The following RASAL2 variants were observed in gnomAD, a reference collection of about 807,000 sequenced individuals.
The protein encoded by RASAL2 is RAS protein activator like 2.
Under a neutral mutation model 128.9 loss-of-function variants are expected in RASAL2, and 58 were observed. The observed-to-expected ratio is 0.45, with a 90% CI of 0.36 to 0.56. The LOEUF (loss-of-function observed/expected upper bound fraction) is 0.56. Ranked by LOEUF, RASAL2 falls within the 20% of genes least tolerant of loss-of-function variation. The pLI, the probability that RASAL2 is intolerant of heterozygous loss-of-function variation, is 0.00. For missense variants in RASAL2, 1,360 were observed against 1,601.6 expected, an observed-to-expected ratio of 0.85 and a Z score of 2.57; for synonymous variants, 561 against 580.8, an observed-to-expected ratio of 0.97 and a Z score of 0.49.
chr1:178,417,806 T>G (rs1674867519), intron 4 of RASAL2, among the ~76,000 whole-genome samples: 3 of 150,558 alleles, frequency 2.0e-5, no homozygotes, highest in African/African-American at 7.3e-5. Flanking sequence ...AGAATTAAAT[T>G]ACTAGATTTA....
At chr1:178,233,209 A>G (rs1664082678) in intron 1 of RASAL2, among the ~76,000 whole-genome samples, 1 of 152,228 alleles carries the variant, frequency 6.6e-6, no homozygotes, top group African/African-American at 2.4e-5. Context: ...GACTGCACAG[A>G]CATGTGTGGT....
Position 178,475,563 on chromosome 1 carries a change from A to G in RASAL2, c.*2324A>G, listed in dbSNP as rs901972560. On this transcript the variant is annotated 3_prime_UTR_variant, in exon 18 of 18. Transcript: ENST00000367649. Reference sequence around the variant, plus strand: ...TGGCCATAAGTATGTAATGTGGGTGATGTCTTGCCATTGAGGTTTGGAAGC... The same window carrying G: ...TGGCCATAAGTATGTAATGTGGGTGGTGTCTTGCCATTGAGGTTTGGAAGC... 1 of 152,196 alleles carries G rather than the reference A, an allele frequency of 6.6e-6. No homozygotes were observed. Among genetic ancestry groups the G allele is most frequent in the Non-Finnish European group, 1.5e-5 (1 of 68,038 alleles). The allele number at this position is 152,196 out of a possible 1,614,324, so 9.4% of individuals were successfully genotyped here.
intron 1 of RASAL2, among the ~76,000 whole-genome samples, chr1:178,236,895 C>T (rs1327770156): frequency 6.6e-6 from 1 of 151,620 alleles, no homozygotes; most frequent in Admixed American, 6.6e-5. Flanking sequence ...TCCTGAGTAG[C>T]TGGGATTACG....
At chr1:178,267,672 A>G (rs180936945) in intron 1 of RASAL2, among the ~76,000 whole-genome samples, 6 of 148,284 alleles carry the variant, frequency 4.0e-5, no homozygotes, top group Non-Finnish European at 5.9e-5. Flanking sequence ...CCCAGCTGGA[A>G]TGCAGGGCTC....
chr1:178,365,384 A>G (rs776169194), intron 3 of RASAL2, among the ~76,000 whole-genome samples: 1 of 152,184 alleles, frequency 6.6e-6, no homozygotes, highest in Non-Finnish European at 1.5e-5. Context: ...TGTACAAAGG[A>G]GTATCAAGAT....
At chr1:178,463,742 A>G (rs903011697) in intron 14 of RASAL2, among the ~76,000 whole-genome samples, 1 of 152,080 alleles carries the variant, frequency 6.6e-6, no homozygotes, top group African/African-American at 2.4e-5. Context: ...TTAACCCACA[A>G]TTACTTTTGC....
At chr1:178,347,417 A>G (rs553769936) in intron 3 of RASAL2, among the ~76,000 whole-genome samples, 1 of 152,232 alleles carries the variant, frequency 6.6e-6, no homozygotes. Flanking sequence ...ATTTTCTCTG[A>G]TAGTCTGAAA....
At chr1:178,172,070 C>T (rs1425033986) in intron 1 of RASAL2, among the ~76,000 whole-genome samples, 1 of 151,850 alleles carries the variant, frequency 6.6e-6, no homozygotes, top group Non-Finnish European at 1.5e-5. Flanking sequence ...AGGACAAGGC[C>T]TAAGTTTGAA....
At chr1:178,229,673 A>G (rs970149482) in intron 1 of RASAL2, among the ~76,000 whole-genome samples, 2 of 152,098 alleles carry the variant, frequency 1.3e-5, no homozygotes, top group Non-Finnish European at 2.9e-5. Flanking sequence ...TGATTGATTC[A>G]TTCATTCTCT....
intron 4 of RASAL2, among the ~76,000 whole-genome samples, chr1:178,414,484 G>A (rs1019924899): frequency 3.3e-5 from 5 of 152,186 alleles, no homozygotes; most frequent in Admixed American, 6.5e-5. Flanking sequence ...TGTCAATGTA[G>A]ATTCGTCAGT....
chr1:178,462,085 C>T lies in RASAL2; in HGVS notation c.3253-2193C>T, dbSNP rs17513230. ...TATCTTTGATGATCATGTTGAAAGT[C>T]AGTGGATATAAATTCTCTTTCTAAG... On this transcript the variant is annotated intron_variant, in intron 14 of 17. Transcript: ENST00000367649. Among the ~76,000 whole-genome samples the T allele has an allele frequency of 6.6e-3, 1,011 of 152,266 alleles. 3 individuals carry two copies. The highest frequency in any genetic ancestry group is 0.011 in the Non-Finnish European group (736 of 68,008).
At position 178,195,926 on chromosome 1, in the gene RASAL2, T is replaced by C. The variant is rs74128883; in HGVS notation, c.203-87638T>C. On this transcript the variant is annotated intron_variant, in intron 1 of 17. Transcript: ENST00000367649. ...CCATACTATTCATATATATTACCCATACTATTCTAGAGACCTGTGAAAATC... is the reference window on the plus strand; with the variant it reads ...CCATACTATTCATATATATTACCCACACTATTCTAGAGACCTGTGAAAATC... Among the ~76,000 whole-genome samples the C allele has an allele frequency of 5.5e-3, 839 of 152,216 alleles. 10 individuals carry two copies. Among genetic ancestry groups the C allele is most frequent in the African/African-American group, 0.019 (786 of 41,566 alleles).
At chr1:178,464,128 C>A in intron 14 of RASAL2, 150 bp from the exon 15 acceptor site, 3 of 892,666 alleles carry the variant, frequency 3.4e-6, no homozygotes, top group Non-Finnish European at 4.7e-6. Context: ...CCACCCCTAG[C>A]CTTGGCATTA....
chr1:178,426,792 G>A (rs996057281), intron 5 of RASAL2, among the ~76,000 whole-genome samples: 2 of 152,044 alleles, frequency 1.3e-5, no homozygotes, highest in South Asian at 4.2e-4. Flanking sequence ...AGCAGATCTC[G>A]AATGTCAAAC....
At chr1:178,165,992 A>G (rs975957198) in intron 1 of RASAL2, among the ~76,000 whole-genome samples, 4 of 152,098 alleles carry the variant, frequency 2.6e-5, no homozygotes, top group Non-Finnish European at 5.9e-5. Flanking sequence ...ACGTATGTGC[A>G]CATACATACT....
At chr1:178,317,244 T>C (rs935804857) in intron 3 of RASAL2, among the ~76,000 whole-genome samples, 1 of 137,068 alleles carries the variant, frequency 7.3e-6, no homozygotes, top group Non-Finnish European at 1.5e-5. Context: ...GATATTGGTC[T>C]AAAATTCTCT....
At chr1:178,288,320 A>G (rs762206633) in intron 2 of RASAL2, among the ~76,000 whole-genome samples, 7 of 152,082 alleles carry the variant, frequency 4.6e-5, no homozygotes, top group Non-Finnish European at 8.8e-5. Context: ...CAAACTGCCA[A>G]TCTCTTCTTT....
intron 2 of RASAL2, among the ~76,000 whole-genome samples, chr1:178,285,910 A>G (rs764669951): frequency 6.6e-6 from 1 of 152,232 alleles, no homozygotes; most frequent in African/African-American, 2.4e-5. Context: ...AAATTAGTCA[A>G]TTGAGTTACC....
At chr1:178,198,509 G>T (rs1662752263) in intron 1 of RASAL2, among the ~76,000 whole-genome samples, 1 of 152,170 alleles carries the variant, frequency 6.6e-6, no homozygotes, top group African/African-American at 2.4e-5. Context: ...TGATGTTGAT[G>T]CTATTCCTTT....
Sources: allele counts gnomAD v4.1 joint callset (sites outside exome capture counted in the v4.1 genomes callset), GRCh38; gene constraint gnomAD v4.1.1; transcripts MANE v1.5; gene names NCBI Gene and HGNC (gene_info 2026-07-23, HGNC 2026-07-21).